FOXI3: variants seen among roughly 807,000 people sequenced by gnomAD.
FOXI3 encodes forkhead box I3, also known as forkhead box protein I3.
In FOXI3, 4 loss-of-function variants were observed where a neutral mutation model predicts 15.6. The observed-to-expected ratio is 0.26, with a 90% CI of 0.13 to 0.59. FOXI3 has a LOEUF of 0.59. Ranked by LOEUF, FOXI3 falls within the 20% of genes least tolerant of loss-of-function variation. The probability of loss-of-function intolerance (pLI) is 0.90; values close to 1 mark genes in which losing one functional copy is unlikely to be tolerated. For synonymous variants in FOXI3, 238 were observed against 244.4 expected (o/e 0.97, Z 0.25); for missense variants, 489 against 548.2 (o/e 0.89, Z 1.08).
chr2:88,451,761 C>T lies in FOXI3; in HGVS notation c.640+135G>A, dbSNP rs1031111600. ...TGTCCTCTGGGTTGGGTGGTTATTC[C>T]TCCATCCGCTCCCACCCGCAGCCTG... On this transcript the variant is annotated intron_variant, in intron 1 of 1. Transcript: ENST00000428390. 6.8e-6 allele frequency: 9 copies of T among 1,319,290 alleles called. No homozygotes were observed. In the African/African-American group the frequency reaches 8.9e-5, roughly 13 times the overall value. The allele number at this position is 1,319,290 out of a possible 1,614,324, so 81.7% of individuals were successfully genotyped here. A position where few individuals can be genotyped will look rare whatever the true frequency, so the allele number is the denominator to read the frequency against.
At chr2:88,450,726 C>A (rs1219350070) in intron 1 of FOXI3, among the ~76,000 whole-genome samples, 1 of 152,080 alleles carries the variant, frequency 6.6e-6, no homozygotes, top group South Asian at 2.1e-4. Flanking sequence ...GAACTGCATA[C>A]CCTGCCCAAT....
chr2:88,451,031 C>T (rs1176952662), intron 1 of FOXI3, among the ~76,000 whole-genome samples: 2 of 152,184 alleles, frequency 1.3e-5, no homozygotes, highest in Non-Finnish European at 2.9e-5. Flanking sequence ...TAATGTGCAA[C>T]TAAAATGGTT....
At position 88,448,297 on chromosome 2, in the gene FOXI3, G is replaced by C. The variant is rs774808218; in HGVS notation, c.1173C>G (p.Ser391Arg). 262 of 1,551,536 alleles carry C rather than the reference G, an allele frequency of 1.7e-4. No individual in the cohort carries two copies. Among genetic ancestry groups the C allele is most frequent in the Non-Finnish European group, 2.1e-4 (240 of 1,146,976 alleles). The change falls in exon 2 of 2, where the codon AGC (serine) becomes AGG (arginine). Residue 391 changes from serine to arginine, a missense_variant. Physicochemically the swap from Ser to Arg is moderately radical, Grantham distance 110. Around this residue, in one of 3 missense-constraint regions of FOXI3, gnomAD observed 263 missense variants for 285.5 expected, o/e 0.92. Coordinates refer to ENST00000428390, the MANE Select transcript of FOXI3 (RefSeq NM_001135649.3). ...SYYSPFPAST[S>R]GGQSSPFSSP... ...TGCTGAAGGGGCTGCTTTGCCCCCCGCTGGTGCTGGCAGGGAAAGGGCTGT... is the reference window on the plus strand; with the variant it reads ...TGCTGAAGGGGCTGCTTTGCCCCCCCCTGGTGCTGGCAGGGAAAGGGCTGT...
rs1676074786 is a variant in FOXI3, at chr2:88,452,599, C to A, written c.-64G>T. On this transcript the variant is annotated 5_prime_UTR_variant, in exon 1 of 2. Coordinates refer to ENST00000428390, the MANE Select transcript of FOXI3 (RefSeq NM_001135649.3). ...GGGGCGAGCGGGGCTGGTCTCGCCG[C>A]TCGGGCGAGAGCATCCCTTTGGGGG... 1.1e-5 allele frequency: 11 copies of A among 993,846 alleles called. No individual in the cohort carries two copies. Among genetic ancestry groups the A allele is most frequent in the African/African-American group, 1.7e-5 (1 of 57,354 alleles). The allele number at this position is 993,846 out of a possible 1,614,324, so 61.6% of individuals were successfully genotyped here.
Position 88,452,404 on chromosome 2 carries a change from C to G in FOXI3, c.132G>C (p.Ala44=), listed in dbSNP as rs1232645485. 7 of 997,406 alleles carry G rather than the reference C, an allele frequency of 7.0e-6. No homozygotes were observed. Among genetic ancestry groups the G allele is most frequent in the Non-Finnish European group, 8.3e-6 (7 of 839,856 alleles). 61.8% of individuals were successfully genotyped at this position (997,406 alleles called of 1,614,324 possible). ...RAPYGLADYA[A]PPAAAANPYL... ...AGGGGTTGGCGGCGGCGGCCGGCGGCGCGGCGTAGTCGGCCAGCCCGTAAG... is the reference window on the plus strand; with the variant it reads ...AGGGGTTGGCGGCGGCGGCCGGCGGGGCGGCGTAGTCGGCCAGCCCGTAAG... The change falls in exon 1 of 2, where the codon GCG becomes GCC. Residue 44 remains alanine, a synonymous_variant. Coordinates refer to ENST00000428390, the MANE Select transcript of FOXI3 (RefSeq NM_001135649.3).
intron 1 of FOXI3, 111 bp downstream of exon 1, chr2:88,451,785 T>C (rs1676051258): frequency 2.0e-6 from 3 of 1,481,004 alleles, no homozygotes; most frequent in Admixed American, 2.2e-5. Context: ...ACCCGCAGCC[T>C]GGACAAGAAG....
Position 88,452,181 on chromosome 2 carries a change from A to AGGCGGGCGC in FOXI3, c.346_354dup (p.Ala116_Ala118dup), listed in dbSNP as rs757327073. 5.9e-3 allele frequency: 7,522 copies of AGGCGGGCGC among 1,272,754 alleles called. 38 individuals carry two copies. The highest frequency in any genetic ancestry group is 7.6e-3 in the South Asian group (240 of 31,726). The allele number at this position is 1,272,754 out of a possible 1,614,324, so 78.8% of individuals were successfully genotyped here. Reference sequence around the variant, plus strand: ...CCGGGCCCCGCGGGCGCGGCGGGCGAGGCGGGCGCGGCGGGCGCGGGCTGC... The same window carrying AGGCGGGCGC: ...CCGGGCCCCGCGGGCGCGGCGGGCGAGGCGGGCGCGGCGGGCGCGGCGGGCGCGGGCTGC... On this transcript the variant is annotated inframe_insertion, in exon 1 of 2. Coordinates refer to ENST00000428390, the MANE Select transcript of FOXI3 (RefSeq NM_001135649.3).
Position 88,449,985 on chromosome 2 carries a change from T to C in FOXI3, c.641-1156A>G, listed in dbSNP as rs865829289. On this transcript the variant is annotated intron_variant, in intron 1 of 1. Transcript: ENST00000428390. ...AAATTATTTATTTATTTATATTCTC[T>C]GAGACTGGGTCTCCCTCTGTCACCC... Among the ~76,000 whole-genome samples, 73 of 152,258 alleles carry C rather than the reference T, an allele frequency of 4.8e-4. 1 individual carries two copies. The highest frequency in any genetic ancestry group is 1.8e-3 in the African/African-American group (73 of 41,552).
At chr2:88,448,970 T>C in intron 1 of FOXI3, 141 bp from the exon 2 acceptor site, 9 of 1,086,670 alleles carry the variant, frequency 8.3e-6, no homozygotes, top group Non-Finnish European at 1.2e-5. Flanking sequence ...CCAATCCTCT[T>C]TCGGGGAAAA....
intron 1 of FOXI3, among the ~76,000 whole-genome samples, chr2:88,451,358 C>A (rs1211914728): frequency 6.6e-6 from 1 of 152,202 alleles, no homozygotes; most frequent in Non-Finnish European, 1.5e-5. Flanking sequence ...CTCATGATGC[C>A]CGTGCCACTA....
intron 1 of FOXI3, among the ~76,000 whole-genome samples, chr2:88,449,789 G>A (rs375082478): frequency 4.9e-4 from 74 of 152,136 alleles, no homozygotes; most frequent in Middle Eastern, 6.8e-3. Context: ...TGCTTTACAC[G>A]GATAACCTCA....
rs752551917 is a variant in FOXI3 at position 88,446,873 on chromosome 2, C to T, written c.*1334G>A. 3 of 152,278 alleles carry T rather than the reference C, an allele frequency of 2.0e-5. No individual in the cohort carries two copies. The highest frequency in any genetic ancestry group is 2.9e-5 in the Non-Finnish European group (2 of 68,022). 9.4% of individuals were successfully genotyped at this position (152,278 alleles called of 1,614,324 possible). On this transcript the variant is annotated 3_prime_UTR_variant, in exon 2 of 2. Transcript: ENST00000428390. ...ATTCCTTCCCTCTATATACTTATAA[C>T]TGGCTATGGAGGCTGGTTTCTTGGT...
chr2:88,448,291 C>A lies in FOXI3; in HGVS notation c.1179G>T (p.Gly393=), dbSNP rs568785675. 1.3e-6 allele frequency: 2 copies of A among 1,551,458 alleles called. No individual in the cohort carries two copies. Among genetic ancestry groups the A allele is most frequent in the Admixed American group, 3.9e-5 (2 of 50,984 alleles). Residue 393 remains glycine, a synonymous_variant, in exon 2 of 2, where the codon GGG becomes GGT. Coordinates refer to ENST00000428390, the MANE Select transcript of FOXI3 (RefSeq NM_001135649.3). Reference sequence around the variant, plus strand: ...AAGGGCTGCTGAAGGGGCTGCTTTGCCCCCCGCTGGTGCTGGCAGGGAAAG... The same window carrying A: ...AAGGGCTGCTGAAGGGGCTGCTTTGACCCCCGCTGGTGCTGGCAGGGAAAG... ...YSPFPASTSG[G]QSSPFSSPFH...
In FOXI3 at chr2:88,448,415, A is replaced by G. The variant is rs768216591; in HGVS notation, c.1055T>C (p.Val352Ala). 6.4e-7 allele frequency: 1 copy of G among 1,551,476 alleles called. No individual in the cohort carries two copies. Among genetic ancestry groups the G allele is most frequent in the Non-Finnish European group, 8.7e-7 (1 of 1,146,966 alleles). The change falls in exon 2 of 2, where the codon GTG becomes GCG. Residue 352 changes from valine to alanine, a missense_variant. Val to Ala is a moderately conservative substitution (Grantham distance 64). Around this residue, in one of 3 missense-constraint regions of FOXI3, gnomAD observed 263 missense variants for 285.5 expected, o/e 0.92. Coordinates refer to ENST00000428390, the MANE Select transcript of FOXI3 (RefSeq NM_001135649.3). ...CTCTGAGATGGAGGTCGGGGAGAAC[A>G]CGCCGCTGGAGGGCAGCTGGGCCCC... ...IQGAQLPSSG[V>A]FSPTSISEAS...
At chr2:88,450,394 T>C (rs1294991731) in intron 1 of FOXI3, among the ~76,000 whole-genome samples, 1 of 145,204 alleles carries the variant, frequency 6.9e-6, no homozygotes, top group Non-Finnish European at 1.5e-5. Context: ...CACTGCACTC[T>C]AGCCTGGGCG....
At position 88,447,153 on chromosome 2, in the gene FOXI3, G is replaced by A. The variant is rs939542830; in HGVS notation, c.*1054C>T. ...GTAGTAACAATACCCACCACCCAAG[G>A]TTTCTGAGAGGATTAAATGAATACA... On this transcript the variant is annotated 3_prime_UTR_variant, in exon 2 of 2. Coordinates refer to ENST00000428390, the MANE Select transcript of FOXI3 (RefSeq NM_001135649.3). 4.6e-5 allele frequency: 7 copies of A among 152,204 alleles called. No individual in the cohort carries two copies. The highest frequency in any genetic ancestry group is 7.3e-5 in the Non-Finnish European group (5 of 68,044). 9.4% of individuals were successfully genotyped at this position (152,204 alleles called of 1,614,324 possible).
At position 88,448,291 on chromosome 2, in the gene FOXI3, C is replaced by T. The variant is rs568785675; in HGVS notation, c.1179G>A (p.Gly393=). ...AAGGGCTGCTGAAGGGGCTGCTTTG[C>T]CCCCCGCTGGTGCTGGCAGGGAAAG... is the stretch of plus-strand genomic sequence containing the variant. ...YSPFPASTSG[G]QSSPFSSPFH... The change falls in exon 2 of 2, where the codon GGG becomes GGA. Residue 393 remains glycine (G), a synonymous_variant. Transcript: ENST00000428390. The T allele has an allele frequency of 2.6e-5, 41 of 1,551,576 alleles. No individual in the cohort carries two copies. The Admixed American group carries it at 6.7e-4, about 25-fold the overall frequency.
rs895554863 is a variant in FOXI3 at position 88,446,788 on chromosome 2, G to T, written c.*1419C>A. ...ATTCAGACAGAGGTGCCACCCAGGG[G>T]AACACACCAGATGACTTTTATTTTC... is the stretch of plus-strand genomic sequence containing the variant. On this transcript the variant is annotated 3_prime_UTR_variant, in exon 2 of 2. Coordinates refer to ENST00000428390, the MANE Select transcript of FOXI3 (RefSeq NM_001135649.3). 6.6e-6 allele frequency: 1 copy of T among 152,136 alleles called. No individual in the cohort carries two copies. Among genetic ancestry groups the T allele is most frequent in the Non-Finnish European group, 1.5e-5 (1 of 68,026 alleles). 9.4% of individuals were successfully genotyped at this position (152,136 alleles called of 1,614,324 possible).
At position 88,452,657 on chromosome 2, in the gene FOXI3, G is replaced by A; in HGVS notation, c.-122C>T. 1.9e-6 allele frequency: 1 copy of A among 526,902 alleles called. No homozygotes were observed. The highest frequency in any genetic ancestry group is 2.5e-6 in the Non-Finnish European group (1 of 398,836). The allele number at this position is 526,902 out of a possible 1,614,324, so 32.6% of individuals were successfully genotyped here. A position where few individuals can be genotyped will look rare whatever the true frequency, so the allele number is the denominator to read the frequency against. On this transcript the variant is annotated 5_prime_UTR_variant, in exon 1 of 2. Coordinates refer to ENST00000428390, the MANE Select transcript of FOXI3 (RefSeq NM_001135649.3). ...TGCGGCTCCGCCTTCACCCGCGCTGGGCGCCCGGTGCTCCGGGCCGGGGTC... is the reference window on the plus strand; with the variant it reads ...TGCGGCTCCGCCTTCACCCGCGCTGAGCGCCCGGTGCTCCGGGCCGGGGTC...
Sources: gnomAD v4.1 joint callset for allele counts (sites outside exome capture counted in the v4.1 genomes callset) on GRCh38, gnomAD v4.1.1 for gene constraint, gnomAD v4.1.1 regional missense constraint, MANE v1.5 for transcripts, NCBI Gene and HGNC (gene_info 2026-07-23, HGNC 2026-07-21) for gene names.